ACTMAP: variants seen among roughly 807,000 people sequenced by gnomAD.
The protein encoded by ACTMAP is UPF0692 protein C19orf54.
chr19:40,741,546 G>A, the ACTMAP span: 1 of 362,148 alleles, frequency 2.8e-6, no homozygotes, highest in Non-Finnish European at 5.5e-6. Flanking sequence ...TCAGAGTGGA[G>A]GGGTCAGGTA....
the ACTMAP span, among the ~76,000 whole-genome samples, chr19:40,743,296 G>A: frequency 6.7e-6 from 1 of 149,784 alleles, no homozygotes; most frequent in Non-Finnish European, 1.5e-5. Context: ...GCAGTGGCAC[G>A]ATCTCAGCTC....
chr19:40,741,097 A>G, the ACTMAP span: 1 of 398,690 alleles, frequency 2.5e-6, no homozygotes. Context: ...CAGGCTGATC[A>G]GGGCTGGGAT....
At chr19:40,745,038 C>T in the ACTMAP span, 2 of 1,434,300 alleles carry the variant, frequency 1.4e-6, no homozygotes, top group Non-Finnish European at 1.9e-6. Flanking sequence ...AGGGACAATC[C>T]ACTCCTCTTC....
At chr19:40,743,708 C>T in the ACTMAP span, among the ~76,000 whole-genome samples, 2 of 152,196 alleles carry the variant, frequency 1.3e-5, no homozygotes, top group African/African-American at 4.8e-5. Flanking sequence ...ACGGTCTGAT[C>T]CTGAAATCTG....
At chr19:40,745,881 A>G in the ACTMAP span, among the ~76,000 whole-genome samples, 6 of 152,134 alleles carry the variant, frequency 3.9e-5, no homozygotes, top group Non-Finnish European at 7.4e-5. Context: ...CATGTTGGCC[A>G]GGCTGGTCTC....
chr19:40,742,580 GT>G, the ACTMAP span: 1 of 1,608,122 alleles, frequency 6.2e-7, no homozygotes, highest in Non-Finnish European at 8.5e-7. Flanking sequence ...CCCGGACCTG[GT>G]CGTAGTCCCA....
chr19:40,749,793 G>A, the ACTMAP span: 42 of 1,456,932 alleles, frequency 2.9e-5, no homozygotes, highest in Non-Finnish European at 3.2e-5. Context: ...AGGAGAGCAT[G>A]GAGAAGTCAT....
At chr19:40,743,791 A>G in the ACTMAP span, 1 of 1,320,476 alleles carries the variant, frequency 7.6e-7, no homozygotes. Context: ...TGCTAATGCT[A>G]AGTGCCCAGC....
the ACTMAP span, among the ~76,000 whole-genome samples, chr19:40,748,198 T>C: frequency 6.6e-6 from 1 of 152,122 alleles, no homozygotes; most frequent in African/African-American, 2.4e-5. Flanking sequence ...GCCCAGTGGC[T>C]CACGCCTGTA....
chr19:40,744,316 G>A, the ACTMAP span: 4 of 1,407,416 alleles, frequency 2.8e-6, no homozygotes, highest in African/African-American at 1.4e-5. Context: ...TACAAATGCA[G>A]AAAATGAGGC....
the ACTMAP span, among the ~76,000 whole-genome samples, chr19:40,746,854 T>C: frequency 6.6e-6 from 1 of 151,980 alleles, no homozygotes; most frequent in Non-Finnish European, 1.5e-5. Flanking sequence ...TCGCCCGGGC[T>C]GGAGTACAGT....
the ACTMAP span, chr19:40,743,866 C>T: frequency 1.2e-5 from 20 of 1,607,686 alleles, 1 homozygote; most frequent in African/African-American, 6.7e-5. Flanking sequence ...GCCGGGGAGA[C>T]CCAGGTTGAG....
the ACTMAP span, chr19:40,742,865 G>A: frequency 1.1e-5 from 14 of 1,231,978 alleles, no homozygotes; most frequent in Non-Finnish European, 1.5e-5. Flanking sequence ...CCTCCAGGGT[G>A]GGTGCAGCTG....
the ACTMAP span, chr19:40,749,425 A>T: frequency 4.7e-6 from 6 of 1,285,590 alleles, no homozygotes; most frequent in Non-Finnish European, 6.4e-6. Context: ...ACCCCAAGAG[A>T]TCTGTGAAGT....
At chr19:40,745,292 G>A in the ACTMAP span, 20 of 1,252,430 alleles carry the variant, frequency 1.6e-5, no homozygotes, top group African/African-American at 2.7e-4. Flanking sequence ...CAGGGATGAT[G>A]AAGGGAATAT....
chr19:40,749,767 T>C, the ACTMAP span: 1 of 1,475,024 alleles, frequency 6.8e-7, no homozygotes, highest in Non-Finnish European at 9.0e-7. Context: ...GGAGGAGAAA[T>C]TGGTGGTTTT....
the ACTMAP span, chr19:40,741,676 C>T: frequency 1.3e-5 from 6 of 455,032 alleles, no homozygotes; most frequent in Non-Finnish European, 2.2e-5. Context: ...ATACTGACTA[C>T]CTAGCTTGAA....
chr19:40,744,773 G>C, the ACTMAP span: 1 of 1,475,324 alleles, frequency 6.8e-7, no homozygotes, highest in Non-Finnish European at 9.0e-7. Context: ...CTGCCCTGGA[G>C]GAGTCCCCCT....
chr19:40,740,904 C>T, the ACTMAP span: 19 of 398,392 alleles, frequency 4.8e-5, no homozygotes, highest in African/African-American at 2.5e-4. Context: ...TATTTGGACA[C>T]GTGGGCTGGG....
Sources: allele counts gnomAD v4.1 joint callset (sites outside exome capture counted in the v4.1 genomes callset), GRCh38; gene constraint gnomAD v4.1.1; transcripts MANE v1.5; gene names NCBI Gene and HGNC (gene_info 2026-07-23, HGNC 2026-07-21).